APBA2: variants seen among roughly 807,000 people sequenced by gnomAD.
APBA2 encodes amyloid-beta A4 precursor protein-binding family A member 2.
In APBA2, 30 loss-of-function variants were observed where a neutral mutation model predicts 75.0. The observed-to-expected ratio is 0.40, with a 90% CI of 0.30 to 0.54. The LOEUF (loss-of-function observed/expected upper bound fraction) is 0.54, where lower values mean the gene tolerates loss of function less well. APBA2 is among the 20% of genes least tolerant of loss of function. The pLI is 0.49. For synonymous variants in APBA2, 444 were observed against 409.6 expected, an observed-to-expected ratio of 1.08 and a Z score of -1.01; for missense variants, 801 against 1,016.1, an observed-to-expected ratio of 0.79 and a Z score of 2.88.
intron 2 of APBA2, among the ~76,000 whole-genome samples, chr15:28,984,826 AT>A (rs1350828456): frequency 4.5e-5 from 5 of 111,912 alleles, no homozygotes; most frequent in African/African-American, 1.8e-4. Context: ...TCCCACTGCC[AT>A]CTCTGGAGGT....
intron 2 of APBA2, among the ~76,000 whole-genome samples, chr15:28,956,622 G>T (rs1038792413): frequency 6.6e-6 from 1 of 151,814 alleles, no homozygotes; most frequent in African/African-American, 2.4e-5. Context: ...GAGCTCAGTC[G>T]CATTAAGTAC....
intron 3 of APBA2, among the ~76,000 whole-genome samples, chr15:28,996,294 G>A (rs532259916): frequency 1.3e-5 from 2 of 152,286 alleles, no homozygotes; most frequent in South Asian, 4.2e-4. Context: ...CAGCCATTGT[G>A]AGATACCAGG....
chr15:29,041,518 G>T (rs2041045444), intron 3 of APBA2, among the ~76,000 whole-genome samples: 1 of 149,940 alleles, frequency 6.7e-6, no homozygotes, highest in Admixed American at 6.7e-5. Flanking sequence ...TTAAAAAAAG[G>T]TATCATTTAC....
chr15:29,112,948 C>T (rs1471763853), intron 13 of APBA2, among the ~76,000 whole-genome samples: 5 of 152,130 alleles, frequency 3.3e-5, no homozygotes, highest in African/African-American at 1.2e-4. Context: ...AGTGGCATCA[C>T]ACAGTGTTTG....
chr15:28,994,929 G>A (rs2038433569), intron 2 of APBA2, among the ~76,000 whole-genome samples: 1 of 152,212 alleles, frequency 6.6e-6, no homozygotes, highest in Admixed American at 6.5e-5. Flanking sequence ...GCCCCCGGGA[G>A]GAGGCTGTAT....
At chr15:29,088,742 G>C (rs1375055135) in intron 6 of APBA2, among the ~76,000 whole-genome samples, 1 of 152,134 alleles carries the variant, frequency 6.6e-6, no homozygotes, top group Non-Finnish European at 1.5e-5. Context: ...TTCCCTGATG[G>C]ATACCCTGGA....
rs140224846 is a variant in APBA2, at chr15:28,940,922, T to C, written c.-95+19173T>C. ...AAGTCAAAGTCCACGAGGATAGTGT[T>C]AAAAGGACTCGTGAGCTCACCTGAT... On this transcript the variant is annotated intron_variant, in intron 2 of 14. Coordinates refer to ENST00000683413, the MANE Select transcript of APBA2 (RefSeq NM_001353788.2). Among the ~76,000 whole-genome samples the C allele has an allele frequency of 7.5e-3, 1,136 of 152,254 alleles. 61 individuals carry two copies. Among genetic ancestry groups the C allele is most frequent in the Admixed American group, 0.071 (1,083 of 15,282 alleles).
intron 2 of APBA2, among the ~76,000 whole-genome samples, chr15:28,962,349 T>A (rs574705504): frequency 4.0e-5 from 6 of 151,534 alleles, no homozygotes; most frequent in African/African-American, 1.5e-4. Context: ...AGGTGGGCAG[T>A]TCACGAGGTC....
intron 9 of APBA2, among the ~76,000 whole-genome samples, chr15:29,099,434 A>T (rs2044010631): frequency 6.6e-6 from 1 of 152,318 alleles, no homozygotes; most frequent in African/African-American, 2.4e-5. Context: ...GGCTGTGACA[A>T]CAGAGAAGTT....
At chr15:28,946,786 C>T (rs1024622105) in intron 2 of APBA2, among the ~76,000 whole-genome samples, 3 of 152,188 alleles carry the variant, frequency 2.0e-5, no homozygotes, top group Non-Finnish European at 4.4e-5. Flanking sequence ...GCTATATTGC[C>T]TAGGCTGTTC....
rs1435108618 is a variant in APBA2 at position 28,918,178 on chromosome 15, C to T, written c.-204-3462C>T. 3.3e-5 allele frequency among the ~76,000 whole-genome samples: 5 copies of T among 152,188 alleles called. No homozygotes were observed. Among genetic ancestry groups the T allele is most frequent in the Admixed American group, 1.3e-4 (2 of 15,278 alleles). On this transcript the variant is annotated intron_variant, in intron 1 of 14. Transcript: ENST00000683413. The surrounding 1 kb of genome is among the most constrained non-coding windows in gnomAD (Gnocchi z 4.2). ...GCTTTGAGTTTTGCAGCGTTGCCTG[C>T]GGTCTCCGTGGGTGAGGGAAAAGGC...
Position 28,939,144 on chromosome 15 carries a change from C to T in APBA2, c.-95+17395C>T, listed in dbSNP as rs1015597697. On this transcript the variant is annotated intron_variant, in intron 2 of 14. Coordinates refer to ENST00000683413, the MANE Select transcript of APBA2 (RefSeq NM_001353788.2). The stretch of plus-strand genomic sequence containing the variant: ...TTTGTGACTGTCTTATTTCACTTCG[C>T]ATGGTGTCCGTAGGGGTCCTGCACG... 2.6e-5 allele frequency among the ~76,000 whole-genome samples: 4 copies of T among 152,306 alleles called. 1 individual carries two copies. The South Asian group carries it at 6.2e-4, about 24-fold the overall frequency.
chr15:28,923,844 C>G (rs1337280042), intron 2 of APBA2, among the ~76,000 whole-genome samples: 1 of 152,184 alleles, frequency 6.6e-6, no homozygotes, highest in Non-Finnish European at 1.5e-5. Flanking sequence ...GGCCGTGAGG[C>G]TGGGCATGAA....
intron 8 of APBA2, among the ~76,000 whole-genome samples, chr15:29,096,688 C>T (rs1176384741): frequency 6.6e-6 from 1 of 152,216 alleles, no homozygotes; most frequent in East Asian, 1.9e-4. Context: ...TACCGGGCCT[C>T]TCTAAAACTC....
At chr15:29,114,577 CGT>C (rs528733666) in intron 14 of APBA2, among the ~76,000 whole-genome samples, 334 of 150,274 alleles carry the variant, frequency 2.2e-3, no homozygotes, top group African/African-American at 6.3e-3. Flanking sequence ...AGCGGGTGTG[CGT>C]GTGTGTGTGT....
At chr15:28,989,941 C>T (rs1595665303) in intron 2 of APBA2, among the ~76,000 whole-genome samples, 1 of 152,142 alleles carries the variant, frequency 6.6e-6, no homozygotes, top group Admixed American at 6.5e-5. Flanking sequence ...TTTCTCAAAG[C>T]CAGGAAGGAA....
At position 28,920,652 on chromosome 15, in the gene APBA2, G is replaced by T. The variant is rs187307766; in HGVS notation, c.-204-988G>T. ...GGCCTGCTCCCAGGCAGGAAACACA[G>T]ATTAGAGGAAGTATCAAGTTGGAAG... is the stretch of plus-strand genomic sequence containing the variant. On this transcript the variant is annotated intron_variant, in intron 1 of 14. Transcript: ENST00000683413. Among the ~76,000 whole-genome samples the T allele has an allele frequency of 1.8e-3, 267 of 152,320 alleles. 3 individuals are homozygous for T. Among genetic ancestry groups the T allele is most frequent in the Admixed American group, 0.017 (253 of 15,294 alleles).
chr15:29,020,544 GC>G (rs2039900220), intron 3 of APBA2, among the ~76,000 whole-genome samples: 1 of 151,710 alleles, frequency 6.6e-6, no homozygotes, highest in South Asian at 2.1e-4. Flanking sequence ...TGTGGCTCAC[GC>G]CCGTAATCCC....
chr15:29,114,590 G>A (rs904298482), intron 14 of APBA2, among the ~76,000 whole-genome samples: 1 of 152,106 alleles, frequency 6.6e-6, no homozygotes, highest in Non-Finnish European at 1.5e-5. Flanking sequence ...GTGTGTGTGT[G>A]TGTAGTGTGA....
Sources: allele counts gnomAD v4.1 joint callset (sites outside exome capture counted in the v4.1 genomes callset), GRCh38; gene constraint gnomAD v4.1.1; non-coding constraint Gnocchi (gnomAD v3.1); transcripts MANE v1.5; gene names NCBI Gene and HGNC (gene_info 2026-07-23, HGNC 2026-07-21).